The following FAAH2 variants were observed in gnomAD, a reference collection of about 807,000 sequenced individuals.
The protein encoded by FAAH2 is fatty-acid amide hydrolase 2.
Under a neutral mutation model 36.9 loss-of-function variants are expected in FAAH2, and 60 were observed. That is an observed-to-expected ratio of 1.63 (90% CI 1.32 to 2.02). FAAH2 has a LOEUF of 2.02. Among genes scored for constraint, FAAH2 ranks in the 30% most tolerant of loss-of-function variants. The pLI is 0.00. For missense variants in FAAH2, 689 were observed against 397.5 expected (o/e 1.73, Z -6.23); for synonymous variants, 214 against 143.8 (o/e 1.49, Z -3.49).
At chrX:57,449,145 C>A (rs1323643204) in intron 10 of FAAH2, among the ~76,000 whole-genome samples, 1 of 112,158 alleles carries the variant, frequency 8.9e-6, no homozygotes, top group African/African-American at 3.2e-5. Context: ...CTATCATCCC[C>A]TTTGAATTCA....
At chrX:57,133,791 GTTGGACTGAA>G in the FAAH2 span, among the ~76,000 whole-genome samples, 1 of 112,278 alleles carries the variant, frequency 8.9e-6, no homozygotes, top group African/African-American at 3.2e-5. Flanking sequence ...GCTGGTATTT[GTTGGACTGAA>G]TTGTGTGATG....
At chrX:57,402,948 C>T (rs989123111) in intron 7 of FAAH2, among the ~76,000 whole-genome samples, 3 of 111,904 alleles carry the variant, frequency 2.7e-5, no homozygotes, top group Non-Finnish European at 5.6e-5. Context: ...GTTATGGTGG[C>T]ACTTCTCTCA....
the FAAH2 span, among the ~76,000 whole-genome samples, chrX:57,144,644 A>G: frequency 9.1e-6 from 1 of 109,773 alleles, no homozygotes; most frequent in Admixed American, 9.8e-5. Flanking sequence ...ACTGAACCCA[A>G]TTTTCAGTCG....
At chrX:57,170,865 C>A in the FAAH2 span, among the ~76,000 whole-genome samples, 5 of 103,052 alleles carry the variant, frequency 4.9e-5, no homozygotes, top group African/African-American at 1.3e-4. Flanking sequence ...CCACCATGAC[C>A]AGCTATTTTT....
chrX:57,403,507 A>G (rs931542906), intron 7 of FAAH2, among the ~76,000 whole-genome samples: 3 of 112,502 alleles, frequency 2.7e-5, no homozygotes, highest in African/African-American at 6.5e-5. Flanking sequence ...ATAATAACCC[A>G]TTTGCCCCAT....
chrX:57,442,346 C>G (rs999015904), intron 8 of FAAH2, among the ~76,000 whole-genome samples: 21 of 111,717 alleles, frequency 1.9e-4, no homozygotes, highest in Non-Finnish European at 3.8e-4. Context: ...TTGAATTGAT[C>G]CCTTTACCAT....
chrX:57,271,486 G>A, the FAAH2 span, among the ~76,000 whole-genome samples: 1 of 112,210 alleles, frequency 8.9e-6, no homozygotes, highest in South Asian at 3.7e-4. Flanking sequence ...CCTCCAAGTA[G>A]GGGCCAACAG....
intron 7 of FAAH2, among the ~76,000 whole-genome samples, chrX:57,402,795 C>T (rs1256467665): frequency 8.9e-6 from 1 of 111,915 alleles, no homozygotes; most frequent in Non-Finnish European, 1.9e-5. Context: ...TCTCCATGTT[C>T]TGATTCTGCA....
Position 57,286,815 on chromosome X carries a change from TC to T in FAAH2, c.-9del. Reference sequence around the variant, plus strand: ...CCTCAAGCACTAGGACCGTGCGGAATCCAGGCTGCGATGGCACCTTCATTTA... The same window carrying T: ...CCTCAAGCACTAGGACCGTGCGGAATCAGGCTGCGATGGCACCTTCATTTA... On this transcript the variant is annotated 5_prime_UTR_variant, in exon 1 of 11. Coordinates refer to ENST00000374900, the MANE Select transcript of FAAH2 (RefSeq NM_174912.4). The T allele has an allele frequency of 8.5e-7, 1 of 1,173,000 alleles. No homozygotes were observed. The highest frequency in any genetic ancestry group is 1.1e-6 in the Non-Finnish European group (1 of 874,130).
Position 57,334,032 on chromosome X carries a change from G to A in FAAH2, c.622+2225G>A, listed in dbSNP as rs769870833. ...TAAGAGATGGGAGTCCACTTTGGGA[G>A]GCCAAGGCAGTTGGGTCACTTGAAG... On this transcript the variant is annotated intron_variant, in intron 4 of 10. Coordinates refer to ENST00000374900, the MANE Select transcript of FAAH2 (RefSeq NM_174912.4). Among the ~76,000 whole-genome samples, 3 of 110,774 alleles carry A rather than the reference G, an allele frequency of 2.7e-5. No homozygotes were observed. In the East Asian group the frequency reaches 8.5e-4, roughly 31 times the overall value.
chrX:57,416,489 G>A (rs1200617566), intron 7 of FAAH2, among the ~76,000 whole-genome samples: 1 of 111,694 alleles, frequency 9.0e-6, no homozygotes, highest in Non-Finnish European at 1.9e-5. Context: ...TGCTCATGAA[G>A]CTTTGTTTAG....
intron 7 of FAAH2, chrX:57,394,787 A>C (rs2055253553): frequency 2.0e-6 from 2 of 983,042 alleles, no homozygotes; most frequent in African/African-American, 3.8e-5. Flanking sequence ...AACCACCAGG[A>C]TGTCGCCTTT....
intron 3 of FAAH2, among the ~76,000 whole-genome samples, chrX:57,325,134 A>G (rs1046999554): frequency 8.9e-6 from 1 of 111,980 alleles, no homozygotes; most frequent in Admixed American, 9.5e-5. Flanking sequence ...TATATGCTGG[A>G]TTGCATTTAT....
At chrX:57,170,819 C>T in the FAAH2 span, among the ~76,000 whole-genome samples, 1 of 110,254 alleles carries the variant, frequency 9.1e-6, no homozygotes, top group Non-Finnish European at 1.9e-5. Flanking sequence ...ATTCTCCTGC[C>T]TCAACCTCCC....
At chrX:57,437,144 A>T (rs2056426687) in intron 8 of FAAH2, among the ~76,000 whole-genome samples, 1 of 111,866 alleles carries the variant, frequency 8.9e-6, no homozygotes, top group Non-Finnish European at 1.9e-5. Context: ...TTATCTCAAG[A>T]GATGCAGGAA....
chrX:57,442,231 T>A (rs1460636409), intron 8 of FAAH2, among the ~76,000 whole-genome samples: 13 of 110,941 alleles, frequency 1.2e-4, no homozygotes, highest in Non-Finnish European at 2.3e-4. Context: ...CCATTATTAT[T>A]GTGTGGGAGT....
At chrX:57,150,837 T>C in the FAAH2 span, among the ~76,000 whole-genome samples, 1 of 112,252 alleles carries the variant, frequency 8.9e-6, no homozygotes, top group Non-Finnish European at 1.9e-5. Context: ...CGTTAGTTGA[T>C]GCAGTTTCTG....
chrX:57,300,437 A>T (rs966016845), intron 2 of FAAH2, among the ~76,000 whole-genome samples: 1 of 112,130 alleles, frequency 8.9e-6, no homozygotes, highest in African/African-American at 3.2e-5. Context: ...TCCTTTCCTT[A>T]CACCTTATAC....
At position 57,286,731 on chromosome X, in the gene FAAH2, C is replaced by T; in HGVS notation, c.-95C>T. On this transcript the variant is annotated 5_prime_UTR_variant, in exon 1 of 11. Coordinates refer to ENST00000374900, the MANE Select transcript of FAAH2 (RefSeq NM_174912.4). ...AGACACTGGACTTGTAAACGAAAAGCTTCATAAGTCCCTCTTTGCTTAGTA... is the reference window on the plus strand; with the variant it reads ...AGACACTGGACTTGTAAACGAAAAGTTTCATAAGTCCCTCTTTGCTTAGTA... 1.2e-6 allele frequency: 1 copy of T among 866,770 alleles called. No individual in the cohort carries two copies. Among genetic ancestry groups the T allele is most frequent in the Non-Finnish European group, 1.5e-6 (1 of 664,373 alleles). 71.4% of individuals were successfully genotyped at this position (866,770 alleles called of 1,213,427 possible).
Sources: gnomAD v4.1 joint callset for allele counts (sites outside exome capture counted in the v4.1 genomes callset) on GRCh38, gnomAD v4.1.1 for gene constraint, MANE v1.5 for transcripts, NCBI Gene and HGNC (gene_info 2026-07-23, HGNC 2026-07-21) for gene names.